NTM: variants seen among roughly 807,000 people sequenced by gnomAD.
NTM encodes neurotrimin.
In NTM, 13 loss-of-function variants were observed where a neutral mutation model predicts 42.1. That is an observed-to-expected ratio of 0.31 (90% CI 0.20 to 0.49). NTM has a LOEUF of 0.49. Ranked by LOEUF, NTM falls within the 20% of genes least tolerant of loss-of-function variation. The pLI is 0.99. For missense variants in NTM, 373 were observed against 452.8 expected (o/e 0.82, Z 1.60); for synonymous variants, 187 against 179.2 (o/e 1.04, Z -0.35).
intron 1 of NTM, among the ~76,000 whole-genome samples, chr11:131,529,825 A>G (rs2050996896): frequency 6.6e-6 from 1 of 152,112 alleles, no homozygotes; most frequent in Non-Finnish European, 1.5e-5. Flanking sequence ...CTGTTTTGCA[A>G]TTTCGTGAAT....
chr11:132,303,543 AC>A (rs1379955950), intron 4 of NTM, among the ~76,000 whole-genome samples: 1 of 152,158 alleles, frequency 6.6e-6, no homozygotes, highest in Non-Finnish European at 1.5e-5. Flanking sequence ...CTTTGTAAAG[AC>A]CTTTTTCCAA....
chr11:131,691,145 C>T lies in NTM; in HGVS notation c.83-220419C>T, dbSNP rs569023339. ...TGCTCTAAGCAAAGCCTGCAGCCCC[C>T]GGAGGGCGCACCAGGGGCCCAGGCC... is the stretch of plus-strand genomic sequence containing the variant. On this transcript the variant is annotated intron_variant, in intron 1 of 8. Coordinates refer to ENST00000683400, the MANE Select transcript of NTM (RefSeq NM_001352005.2). Among the ~76,000 whole-genome samples, 19 of 152,274 alleles carry T rather than the reference C, an allele frequency of 1.2e-4. No individual in the cohort carries two copies. In the East Asian group the frequency reaches 3.3e-3, roughly 26 times the overall value.
chr11:132,276,562 G>A (rs928270652), intron 4 of NTM, among the ~76,000 whole-genome samples: 13 of 152,182 alleles, frequency 8.5e-5, no homozygotes, highest in African/African-American at 3.1e-4. Flanking sequence ...GGTTCATGCT[G>A]ACACCTGCTT....
At chr11:132,197,221 A>G (rs1303128467) in intron 3 of NTM, among the ~76,000 whole-genome samples, 1 of 152,180 alleles carries the variant, frequency 6.6e-6, no homozygotes, top group East Asian at 1.9e-4. Context: ...ATGGAAGGGT[A>G]GATCTGCTCA....
intron 1 of NTM, among the ~76,000 whole-genome samples, chr11:131,557,232 A>G (rs2136963817): frequency 6.6e-6 from 1 of 152,286 alleles, no homozygotes; most frequent in Non-Finnish European, 1.5e-5. Flanking sequence ...AGTGGCCAGG[A>G]CATGCTCTGT....
rs1333495246 is a variant in NTM at position 131,477,739 on chromosome 11, T to G, written c.82+106851T>G. ...TTCTAGATATCTATTCCCAGATGTA[T>G]CAAAACTCCCTAAAATGCATGTGAT... On this transcript the variant is annotated intron_variant, in intron 1 of 8. Coordinates refer to ENST00000683400, the MANE Select transcript of NTM (RefSeq NM_001352005.2). Among the ~76,000 whole-genome samples the G allele has an allele frequency of 3.3e-5, 5 of 152,022 alleles. No homozygotes were observed. The East Asian group carries it at 9.7e-4, about 29-fold the overall frequency.
intron 2 of NTM, among the ~76,000 whole-genome samples, chr11:131,946,483 C>T (rs2060357791): frequency 1.3e-5 from 2 of 152,036 alleles, no homozygotes; most frequent in Middle Eastern, 3.2e-3. Context: ...ATTGTTAAGA[C>T]AAAATAAAAA....
At chr11:131,876,505 A>G (rs1484425215) in intron 1 of NTM, among the ~76,000 whole-genome samples, 1 of 152,238 alleles carries the variant, frequency 6.6e-6, no homozygotes, top group Admixed American at 6.5e-5. Flanking sequence ...ATTAATTTTA[A>G]TCTTAGCCCA....
At chr11:131,769,594 T>A in intron 1 of NTM, 2 of 983,798 alleles carry the variant, frequency 2.0e-6, no homozygotes, top group Non-Finnish European at 2.4e-6. Flanking sequence ...ATTTGGATAA[T>A]GCTGTCCTGC....
intron 4 of NTM, among the ~76,000 whole-genome samples, chr11:132,241,895 G>A (rs2139223831): frequency 6.6e-6 from 1 of 152,328 alleles, no homozygotes; most frequent in Admixed American, 6.5e-5. Context: ...CAGCATTTGG[G>A]AGGAAAATGT....
At chr11:131,447,342 C>T (rs1007671222) in intron 1 of NTM, among the ~76,000 whole-genome samples, 2 of 152,164 alleles carry the variant, frequency 1.3e-5, no homozygotes, top group Non-Finnish European at 2.9e-5. Flanking sequence ...CACGTGCTAA[C>T]CATGAAATAA....
intron 1 of NTM, among the ~76,000 whole-genome samples, chr11:131,401,822 A>ATATATATGTGTGTG (rs1555101763): frequency 1.7e-5 from 1 of 57,876 alleles, no homozygotes; most frequent in African/African-American, 7.1e-5. Flanking sequence ...ATATATATAT[A>ATATATATGTGTGTG]TATATATATA....
At chr11:132,170,438 A>C (rs769880588) in intron 3 of NTM, among the ~76,000 whole-genome samples, 2 of 152,234 alleles carry the variant, frequency 1.3e-5, no homozygotes, top group Non-Finnish European at 2.9e-5. Flanking sequence ...AAGCTCTATT[A>C]GATCCACATA....
intron 2 of NTM, among the ~76,000 whole-genome samples, chr11:132,028,668 TTCCCCCGC>T: frequency 6.6e-6 from 1 of 152,230 alleles, no homozygotes; most frequent in East Asian, 1.9e-4. Flanking sequence ...GTTGCTTTTC[TTCCCCCGC>T]TCAGGTGAGA....
At chr11:132,302,346 C>T (rs940680093) in intron 4 of NTM, among the ~76,000 whole-genome samples, 2 of 152,196 alleles carry the variant, frequency 1.3e-5, no homozygotes, top group Admixed American at 1.3e-4. Flanking sequence ...ATAAATTATA[C>T]TACACACTCG....
intron 1 of NTM, chr11:131,771,313 C>T (rs1489627535): frequency 6.6e-6 from 1 of 152,124 alleles, no homozygotes; most frequent in Non-Finnish European, 1.5e-5. Flanking sequence ...AGGCTTTGTG[C>T]TTTGTTCTGT....
rs1180335292 is a variant in NTM at position 131,424,586 on chromosome 11, ATTTCT to A, written c.82+53712_82+53716del. Among the ~76,000 whole-genome samples the A allele has an allele frequency of 2.2e-3, 190 of 86,332 alleles. 2 individuals carry two copies. Among genetic ancestry groups the A allele is most frequent in the East Asian group, 0.02 (41 of 2,028 alleles). The allele number at this position is 86,332 out of a possible 152,430, so 56.6% of individuals were successfully genotyped here. A position where few individuals can be genotyped will look rare whatever the true frequency, so the allele number is the denominator to read the frequency against. On this transcript the variant is annotated intron_variant, in intron 1 of 8. Transcript: ENST00000683400. ...GTTTGCAATTGCTTAGTTGTTTTTT[ATTTCT>A]TTTCTTTTCTTTTTTTTTTTTTTTT...
intron 2 of NTM, among the ~76,000 whole-genome samples, chr11:131,996,415 G>A (rs992262740): frequency 6.6e-6 from 1 of 152,190 alleles, no homozygotes; most frequent in Non-Finnish European, 1.5e-5. Flanking sequence ...TATCTGAAAT[G>A]TGGGTTGTTC....
chr11:131,943,854 G>T (rs1380986986), intron 2 of NTM, among the ~76,000 whole-genome samples: 6 of 151,988 alleles, frequency 3.9e-5, no homozygotes, highest in African/African-American at 1.2e-4. Flanking sequence ...CACATCCATG[G>T]TGACAGCCCG....
Sources: gnomAD v4.1 joint callset for allele counts (sites outside exome capture counted in the v4.1 genomes callset) on GRCh38, gnomAD v4.1.1 for gene constraint, MANE v1.5 for transcripts, NCBI Gene and HGNC (gene_info 2026-07-23, HGNC 2026-07-21) for gene names.